TOX: variants seen among roughly 807,000 people sequenced by gnomAD.
The protein encoded by TOX is thymocyte selection associated high mobility group box.
TOX carries 11 observed loss-of-function variants against 53.7 expected under a neutral mutation model. The ratio of observed to expected loss-of-function variants is 0.20; its 90% CI spans 0.13 to 0.34. The LOEUF (loss-of-function observed/expected upper bound fraction) is 0.34. Ranked by LOEUF, TOX falls within the 10% of genes least tolerant of loss-of-function variation. TOX has a pLI of 1.00. For synonymous variants in TOX, 225 were observed against 245.3 expected (o/e 0.92, Z 0.77); for missense variants, 570 against 664.6 (o/e 0.86, Z 1.56).
chr8:58,887,645 G>GTTC (rs1425435572), intron 3 of TOX, among the ~76,000 whole-genome samples: 1 of 151,792 alleles, frequency 6.6e-6, no homozygotes, highest in Non-Finnish European at 1.5e-5. Flanking sequence ...CTATTTCATT[G>GTTC]TATTTTCAAA....
intron 2 of TOX, among the ~76,000 whole-genome samples, chr8:58,957,314 A>G (rs1429192619): frequency 1.3e-5 from 2 of 152,198 alleles, no homozygotes; most frequent in African/African-American, 2.4e-5. Flanking sequence ...CAATATTCCA[A>G]GAATGGTGCC....
chr8:59,012,690 A>C (rs178022), intron 1 of TOX, among the ~76,000 whole-genome samples: 46,780 of 152,146 alleles, frequency 0.31, 8,618 homozygotes, highest in South Asian at 0.43. Flanking sequence ...TTAATTAATA[A>C]AATAGCACAT....
chr8:59,008,503 G>A (rs1470497007), intron 1 of TOX, among the ~76,000 whole-genome samples: 1 of 152,208 alleles, frequency 6.6e-6, no homozygotes, highest in Admixed American at 6.5e-5. Context: ...GCCTGGAAAG[G>A]ACCGGAGGTC....
At chr8:59,013,140 G>T (rs1813940999) in intron 1 of TOX, among the ~76,000 whole-genome samples, 1 of 151,954 alleles carries the variant, frequency 6.6e-6, no homozygotes, top group East Asian at 1.9e-4. Context: ...TTTCCAGCAG[G>T]CCACTAGGTG....
intron 1 of TOX, among the ~76,000 whole-genome samples, chr8:59,027,824 C>G (rs532526798): frequency 6.6e-6 from 1 of 152,214 alleles, no homozygotes; most frequent in East Asian, 1.9e-4. Context: ...ATATAGACTT[C>G]TATATATTTG....
intron 3 of TOX, among the ~76,000 whole-genome samples, chr8:58,914,942 G>C (rs1811981338): frequency 6.6e-6 from 1 of 152,014 alleles, no homozygotes; most frequent in Non-Finnish European, 1.5e-5. Context: ...AGGGGTGATG[G>C]ACGCACCTGG....
chr8:59,075,588 C>T (rs1422540158), intron 1 of TOX, among the ~76,000 whole-genome samples: 1 of 152,142 alleles, frequency 6.6e-6, no homozygotes, highest in African/African-American at 2.4e-5. Flanking sequence ...TCTTGCCAAT[C>T]TGTCTTTTCT....
intron 3 of TOX, among the ~76,000 whole-genome samples, chr8:58,888,882 C>T (rs1285213609): frequency 6.6e-6 from 1 of 151,890 alleles, no homozygotes; most frequent in East Asian, 1.9e-4. Flanking sequence ...GTATCCATAC[C>T]TCCTCCCTAA....
intron 3 of TOX, among the ~76,000 whole-genome samples, chr8:58,873,957 G>GTTTTTT (rs1585873069): frequency 2.3e-5 from 1 of 43,992 alleles, no homozygotes; most frequent in African/African-American, 3.1e-4. Flanking sequence ...ATGCCAGGAA[G>GTTTTTT]CTTTTTTTTT....
At chr8:58,946,826 G>A (rs182838963) in intron 2 of TOX, among the ~76,000 whole-genome samples, 1 of 152,132 alleles carries the variant, frequency 6.6e-6, no homozygotes, top group African/African-American at 2.4e-5. Context: ...ACAAAGAACC[G>A]AAAGACACAG....
intron 1 of TOX, among the ~76,000 whole-genome samples, chr8:59,096,465 C>T (rs746061738): frequency 7.2e-5 from 11 of 152,268 alleles, no homozygotes; most frequent in Non-Finnish European, 1.5e-4. Flanking sequence ...GTTAATGAAA[C>T]TGTATTCAAT....
chr8:59,011,095 C>T (rs557235075), intron 1 of TOX, among the ~76,000 whole-genome samples: 2 of 152,238 alleles, frequency 1.3e-5, no homozygotes, highest in East Asian at 3.9e-4. Flanking sequence ...ATTTTTAGAT[C>T]CCTTTTCATT....
intron 3 of TOX, among the ~76,000 whole-genome samples, chr8:58,882,649 T>G (rs899379978): frequency 7.2e-5 from 11 of 152,198 alleles, no homozygotes; most frequent in African/African-American, 2.4e-4. Context: ...GAAAAAATGT[T>G]AAAAAGGTAA....
At chr8:58,981,600 T>G (rs1018632742) in intron 1 of TOX, among the ~76,000 whole-genome samples, 2 of 152,300 alleles carry the variant, frequency 1.3e-5, no homozygotes, top group African/African-American at 4.8e-5. Flanking sequence ...TCTTTTCCGT[T>G]GAGTTTCCAT....
intron 3 of TOX, among the ~76,000 whole-genome samples, chr8:58,915,175 A>G (rs1409614406): frequency 6.6e-6 from 1 of 151,694 alleles, no homozygotes; most frequent in Non-Finnish European, 1.5e-5. Flanking sequence ...AGCAGCGGGG[A>G]AGCTCCAACT....
chr8:58,896,156 T>A (rs543619092), intron 3 of TOX, among the ~76,000 whole-genome samples: 7 of 152,254 alleles, frequency 4.6e-5, no homozygotes, highest in African/African-American at 1.7e-4. Context: ...TGGGATAAAA[T>A]CTTCCAGTCC....
intron 4 of TOX, among the ~76,000 whole-genome samples, chr8:58,845,995 G>A (rs1810713205): frequency 6.6e-6 from 1 of 151,986 alleles, no homozygotes; most frequent in Non-Finnish European, 1.5e-5. Flanking sequence ...GTTGAGGTGG[G>A]GACCCGCTGA....
intron 1 of TOX, among the ~76,000 whole-genome samples, chr8:59,087,937 A>T (rs1411197309): frequency 6.6e-6 from 1 of 152,208 alleles, no homozygotes; most frequent in Non-Finnish European, 1.5e-5. Flanking sequence ...TATTTATGTC[A>T]TGTGTCCAAA....
chr8:59,022,817 G>A (rs936911358), intron 1 of TOX, among the ~76,000 whole-genome samples: 6 of 152,144 alleles, frequency 3.9e-5, no homozygotes, highest in African/African-American at 7.2e-5. Context: ...TATCTGAACA[G>A]TGCCTGTGGT....
Sources: gnomAD v4.1 joint callset for allele counts (sites outside exome capture counted in the v4.1 genomes callset) on GRCh38, gnomAD v4.1.1 for gene constraint, MANE v1.5 for transcripts, NCBI Gene and HGNC (gene_info 2026-07-23, HGNC 2026-07-21) for gene names.